The following CWC27 variants were observed in gnomAD, a reference collection of about 807,000 sequenced individuals.
The protein encoded by CWC27 is spliceosome-associated protein CWC27 homolog.
Under a neutral mutation model 63.6 loss-of-function variants are expected in CWC27, and 47 were observed. The ratio of observed to expected loss-of-function variants is 0.74; its 90% CI spans 0.58 to 0.94. The LOEUF (loss-of-function observed/expected upper bound fraction) is 0.94, where lower values mean the gene tolerates loss of function less well. CWC27 is among the 40% of genes least tolerant of loss of function. The pLI is 0.00. For missense variants in CWC27, 495 were observed against 554.3 expected (o/e 0.89, Z 1.07); for synonymous variants, 175 against 179.8 (o/e 0.97, Z 0.22).
chr5:65,016,472 AAATAAT>A (rs917634770), intron 13 of CWC27, among the ~76,000 whole-genome samples: 80 of 151,864 alleles, frequency 5.3e-4, no homozygotes, highest in African/African-American at 1.8e-3. Context: ...CTCATCTCAA[AAATAAT>A]AATAATAATA....
intron 10 of CWC27, among the ~76,000 whole-genome samples, chr5:64,817,174 C>A (rs1745061524): frequency 6.6e-6 from 1 of 152,126 alleles, no homozygotes; most frequent in South Asian, 2.1e-4. Flanking sequence ...CTCTTTCAGG[C>A]CTCTGCACTT....
chr5:64,894,445 C>T (rs1051095974), intron 11 of CWC27, among the ~76,000 whole-genome samples: 1 of 152,088 alleles, frequency 6.6e-6, no homozygotes, highest in Admixed American at 6.5e-5. Context: ...TTTGGCTAGA[C>T]TAATTGTTTC....
chr5:64,826,399 T>A (rs1005130954), intron 10 of CWC27, among the ~76,000 whole-genome samples: 1 of 152,308 alleles, frequency 6.6e-6, no homozygotes, highest in Admixed American at 6.5e-5. Flanking sequence ...TTGAGACTTG[T>A]TTTTTGTCCC....
At chr5:64,826,566 T>C (rs992131710) in intron 10 of CWC27, among the ~76,000 whole-genome samples, 1 of 152,200 alleles carries the variant, frequency 6.6e-6, no homozygotes, top group Non-Finnish European at 1.5e-5. Context: ...AACTTGCAAA[T>C]TTCCTTGATC....
chr5:64,951,879 A>T (rs1050746344), intron 11 of CWC27, among the ~76,000 whole-genome samples: 5 of 151,866 alleles, frequency 3.3e-5, no homozygotes, highest in African/African-American at 1.2e-4. Flanking sequence ...CATCTTATTA[A>T]TTTTTCAGTT....
At chr5:64,894,059 A>G (rs745899667) in intron 11 of CWC27, among the ~76,000 whole-genome samples, 36 of 151,766 alleles carry the variant, frequency 2.4e-4, no homozygotes, top group Non-Finnish European at 4.4e-4. Flanking sequence ...CCTCCCGAGT[A>G]GCTGGAATTA....
rs190589086 is a variant in CWC27, at chr5:64,926,325, T to A, written c.1042+40779T>A. Among the ~76,000 whole-genome samples, 9 of 151,584 alleles carry A rather than the reference T, an allele frequency of 5.9e-5. No homozygotes were observed. In the East Asian group the frequency reaches 1.7e-3, roughly 29 times the overall value. On this transcript the variant is annotated intron_variant, in intron 11 of 13. Coordinates refer to ENST00000381070, the MANE Select transcript of CWC27 (RefSeq NM_005869.4). ...GAATTTTATAAATTCTTGACTCTCA[T>A]ATATCTTAGATATTTAATACTGATC...
Position 64,807,237 on chromosome 5 carries a change from C to A in CWC27, c.938+2851C>A, listed in dbSNP as rs187230076. Among the ~76,000 whole-genome samples the A allele has an allele frequency of 2.6e-5, 4 of 152,278 alleles. No individual in the cohort carries two copies. The East Asian group carries it at 7.7e-4, about 29-fold the overall frequency. Reference sequence around the variant, plus strand: ...GTTCAAAGTATAATTTTACTGAAAACGTGTGGTATTGCTTCTATTGGTAAG... The same window carrying A: ...GTTCAAAGTATAATTTTACTGAAAAAGTGTGGTATTGCTTCTATTGGTAAG... On this transcript the variant is annotated intron_variant, in intron 10 of 13. Transcript: ENST00000381070.
intron 13 of CWC27, among the ~76,000 whole-genome samples, chr5:64,988,707 G>A (rs1448553805): frequency 6.6e-6 from 1 of 151,426 alleles, no homozygotes; most frequent in African/African-American, 2.4e-5. Flanking sequence ...GGGTTCAAGA[G>A]ACTCTCTTGC....
At chr5:64,959,557 GGCCCTAATCAGGGGTAACT>G (rs987096010) in intron 11 of CWC27, among the ~76,000 whole-genome samples, 7 of 152,268 alleles carry the variant, frequency 4.6e-5, no homozygotes, top group Admixed American at 4.6e-4. Flanking sequence ...AGTGCCCAGT[GGCCCTAATCAGGGGTAACT>G]GCCTTAAAGC....
At chr5:64,924,858 T>A (rs1580729732) in intron 11 of CWC27, among the ~76,000 whole-genome samples, 1 of 152,218 alleles carries the variant, frequency 6.6e-6, no homozygotes, top group South Asian at 2.1e-4. Context: ...TGTAAAGCAT[T>A]TAGCATAGTG....
At chr5:64,826,601 A>T (rs1394876998) in intron 10 of CWC27, among the ~76,000 whole-genome samples, 1 of 152,058 alleles carries the variant, frequency 6.6e-6, no homozygotes, top group Non-Finnish European at 1.5e-5. Flanking sequence ...ACAGGATTGC[A>T]TTCTTGAGAA....
At chr5:64,860,877 C>T (rs559913427) in intron 10 of CWC27, among the ~76,000 whole-genome samples, 6 of 152,238 alleles carry the variant, frequency 3.9e-5, no homozygotes, top group African/African-American at 1.2e-4. Context: ...AGTATAATCC[C>T]GTTTCAGTTA....
chr5:64,868,815 C>T (rs1037605051), intron 10 of CWC27, among the ~76,000 whole-genome samples: 3 of 151,996 alleles, frequency 2.0e-5, no homozygotes, highest in African/African-American at 2.4e-5. Context: ...TTCTAGTTGT[C>T]GTATAGCATG....
intron 4 of CWC27, 103 bp from the exon 5 acceptor site, chr5:64,785,378 G>T (rs190653933): frequency 1.9e-6 from 1 of 526,730 alleles, no homozygotes; most frequent in Non-Finnish European, 3.2e-6. Flanking sequence ...GTAATCACAT[G>T]AAATTTTCTT....
intron 10 of CWC27, 129 bp downstream of exon 10, chr5:64,804,515 G>T (rs1744595642): frequency 4.0e-6 from 4 of 993,614 alleles, no homozygotes; most frequent in Non-Finnish European, 5.6e-6. Flanking sequence ...CATAACAGTT[G>T]TACAAATTGG....
At chr5:64,951,465 T>C (rs1461832716) in intron 11 of CWC27, among the ~76,000 whole-genome samples, 2 of 151,990 alleles carry the variant, frequency 1.3e-5, no homozygotes, top group African/African-American at 4.8e-5. Flanking sequence ...ACAAGTCCTT[T>C]ATCAGATAAA....
chr5:64,820,179 C>T (rs1169039628), intron 10 of CWC27, among the ~76,000 whole-genome samples: 1 of 152,004 alleles, frequency 6.6e-6, no homozygotes, highest in African/African-American at 2.4e-5. Flanking sequence ...ACACCTGGCA[C>T]CTAAACCGGG....
intron 10 of CWC27, among the ~76,000 whole-genome samples, chr5:64,866,266 A>C (rs1185366320): frequency 6.6e-6 from 1 of 152,064 alleles, no homozygotes; most frequent in Non-Finnish European, 1.5e-5. Flanking sequence ...AAATCATCAC[A>C]TTAACTTGTA....
Sources: gnomAD v4.1 joint callset for allele counts (sites outside exome capture counted in the v4.1 genomes callset) on GRCh38, gnomAD v4.1.1 for gene constraint, MANE v1.5 for transcripts, NCBI Gene and HGNC (gene_info 2026-07-23, HGNC 2026-07-21) for gene names.